The following OPCML variants were observed in gnomAD, a reference collection of about 807,000 sequenced individuals.
The protein encoded by OPCML is opioid binding protein/cell adhesion molecule like.
OPCML carries 13 observed loss-of-function variants against 37.8 expected under a neutral mutation model. That is an observed-to-expected ratio of 0.34 (90% CI 0.22 to 0.55). OPCML has a LOEUF of 0.55. Among genes scored for constraint, OPCML ranks in the 20% least tolerant of loss-of-function variants. The probability of loss-of-function intolerance (pLI) is 0.91; values close to 1 mark genes in which losing one functional copy is unlikely to be tolerated. For synonymous variants in OPCML, 176 were observed against 168.8 expected, an observed-to-expected ratio of 1.04 and a Z score of -0.33; for missense variants, 341 against 435.6, an observed-to-expected ratio of 0.78 and a Z score of 1.93.
chr11:132,949,422 G>C (rs1036716848), intron 1 of OPCML, among the ~76,000 whole-genome samples: 1 of 152,170 alleles, frequency 6.6e-6, no homozygotes, highest in Admixed American at 6.5e-5. Context: ...ACAAAGGGGA[G>C]GTGGGCCTTG....
intron 1 of OPCML, among the ~76,000 whole-genome samples, chr11:133,425,572 G>C (rs1945984947): frequency 6.6e-6 from 1 of 152,122 alleles, no homozygotes; most frequent in African/African-American, 2.4e-5. Flanking sequence ...GCATGTAATA[G>C]CTCCAACAAC....
intron 2 of OPCML, among the ~76,000 whole-genome samples, chr11:132,749,214 T>C (rs1945749676): frequency 6.6e-6 from 1 of 152,186 alleles, no homozygotes; most frequent in Admixed American, 6.5e-5. Context: ...ACCCTGATAG[T>C]GGACTTCCAG....
intron 2 of OPCML, among the ~76,000 whole-genome samples, chr11:132,736,547 G>A (rs1945267083): frequency 6.6e-6 from 1 of 152,158 alleles, no homozygotes; most frequent in Non-Finnish European, 1.5e-5. Flanking sequence ...TGATTTGTGT[G>A]TCCAGTGAAC....
At chr11:132,716,767 G>A (rs1330641663) in intron 2 of OPCML, among the ~76,000 whole-genome samples, 4 of 152,236 alleles carry the variant, frequency 2.6e-5, no homozygotes, top group Middle Eastern at 3.4e-3. Context: ...ATCTAAAACT[G>A]AAGGATCATT....
At chr11:132,678,855 T>A (rs1327372783) in intron 2 of OPCML, among the ~76,000 whole-genome samples, 3 of 151,936 alleles carry the variant, frequency 2.0e-5, no homozygotes, top group Admixed American at 2.0e-4. Flanking sequence ...AAACCAAGAG[T>A]GAACCTTATT....
intron 3 of OPCML, among the ~76,000 whole-genome samples, chr11:132,545,155 C>G (rs1230158542): frequency 2.0e-5 from 3 of 152,168 alleles, no homozygotes; most frequent in Non-Finnish European, 2.9e-5. Flanking sequence ...CAAATACCCA[C>G]TATGCACTAG....
intron 1 of OPCML, among the ~76,000 whole-genome samples, chr11:133,438,718 C>G (rs926908446): frequency 5.3e-5 from 8 of 152,144 alleles, no homozygotes; most frequent in Non-Finnish European, 1.0e-4. Flanking sequence ...CCAGGAAGAC[C>G]AAAGCATAAT....
chr11:132,858,420 CTGCCTGCAAGAAGCACAGA>C (rs1942151676), intron 2 of OPCML, among the ~76,000 whole-genome samples: 1 of 152,194 alleles, frequency 6.6e-6, no homozygotes, highest in Admixed American at 6.5e-5. Context: ...CTCCCTTGCT[CTGCCTGCAAGAAGCACAGA>C]TGCCTTTGAC....
intron 1 of OPCML, among the ~76,000 whole-genome samples, chr11:133,251,473 G>A (rs1941131698): frequency 6.6e-6 from 1 of 152,002 alleles, no homozygotes; most frequent in African/African-American, 2.4e-5. Context: ...ATAAAGGAAG[G>A]AGACTTCAGG....
rs560310502 is a variant in OPCML, at chr11:132,617,379, C to T, written c.379+39708G>A. Among the ~76,000 whole-genome samples, 39 of 152,238 alleles carry T rather than the reference C, an allele frequency of 2.6e-4. No homozygotes were observed. In the South Asian group the frequency reaches 6.0e-3, roughly 23 times the overall value. ...CCAGGGAGAGTCTATTTACTCTCCA[C>T]GTAGACTGAATTGACATTTTCTGTT... On this transcript the variant is annotated intron_variant, in intron 3 of 7. Transcript: ENST00000524381.
chr11:133,053,241 T>A (rs886423739), intron 1 of OPCML, among the ~76,000 whole-genome samples: 49 of 152,184 alleles, frequency 3.2e-4, no homozygotes, highest in African/African-American at 1.1e-3. Flanking sequence ...GAGCTCATGA[T>A]GGAGACTGCT....
chr11:132,655,084 C>G (rs1357045141), intron 3 of OPCML, among the ~76,000 whole-genome samples: 8 of 152,242 alleles, frequency 5.3e-5, no homozygotes, highest in African/African-American at 9.6e-5. Context: ...TGCTCAGCCC[C>G]CAGCCCATTA....
At chr11:133,154,175 C>T (rs73596442) in intron 1 of OPCML, among the ~76,000 whole-genome samples, 1,910 of 151,554 alleles carry the variant, frequency 0.013, 20 homozygotes, top group African/African-American at 0.033. Context: ...GAGGGAGGCT[C>T]CTGCTGTCAT....
intron 1 of OPCML, among the ~76,000 whole-genome samples, chr11:133,462,206 G>C (rs1320664582): frequency 3.3e-5 from 5 of 151,882 alleles, no homozygotes; most frequent in Non-Finnish European, 7.4e-5. Flanking sequence ...ATGGACCAAA[G>C]ATGTAAGTGT....
rs35643678 is a variant in OPCML, at chr11:133,240,212, CAAAAAAAAA to C, written c.61+292043_61+292051del. Among the ~76,000 whole-genome samples, 12 of 66,056 alleles carry C rather than the reference CAAAAAAAAA, an allele frequency of 1.8e-4. No individual in the cohort carries two copies. In the South Asian group the frequency reaches 5.2e-3, roughly 29 times the overall value. The allele number at this position is 66,056 out of a possible 152,430, so 43.3% of individuals were successfully genotyped here. A position where few individuals can be genotyped will look rare whatever the true frequency, so the allele number is the denominator to read the frequency against. ...TGAATGAATACTCCCACACTTGGGG[CAAAAAAAAA>C]AAAAAAAAAAAAAACAGAGGGGCAA... On this transcript the variant is annotated intron_variant, in intron 1 of 7. Transcript: ENST00000524381.
intron 1 of OPCML, among the ~76,000 whole-genome samples, chr11:133,434,646 A>G (rs536615840): frequency 6.6e-6 from 1 of 152,030 alleles, no homozygotes; most frequent in East Asian, 1.9e-4. Flanking sequence ...ACACAGGCTA[A>G]AAAGGTGGTC....
chr11:133,006,286 G>T, intron 1 of OPCML: 1 of 502,008 alleles, frequency 2.0e-6, no homozygotes, highest in Non-Finnish European at 2.6e-6. Flanking sequence ...CTGGCCTGGT[G>T]AGAGAGATTC....
intron 2 of OPCML, among the ~76,000 whole-genome samples, chr11:132,832,605 G>T (rs565317099): frequency 1.3e-5 from 2 of 152,296 alleles, no homozygotes; most frequent in East Asian, 3.9e-4. Flanking sequence ...TGAAAAAAAT[G>T]ATTCATACAT....
In OPCML at chr11:133,007,229, C is replaced by T. The variant is rs182396924; in HGVS notation, c.62-64219G>A. 4.1e-6 allele frequency: 4 copies of T among 985,372 alleles called. No homozygotes were observed. The East Asian group carries it at 4.5e-4, about 112-fold the overall frequency. 61.0% of individuals were successfully genotyped at this position (985,372 alleles called of 1,614,324 possible). ...CCTATTTTAGGCTTTGTTGCCCCAC[C>T]CTCCGTTTATTTTAGCAATTTGTGG... On this transcript the variant is annotated intron_variant, in intron 1 of 7. Transcript: ENST00000524381.
Sources: gnomAD v4.1 joint callset for allele counts (sites outside exome capture counted in the v4.1 genomes callset) on GRCh38, gnomAD v4.1.1 for gene constraint, MANE v1.5 for transcripts, NCBI Gene and HGNC (gene_info 2026-07-23, HGNC 2026-07-21) for gene names.